PTPRD: variants seen among roughly 807,000 people sequenced by gnomAD.
PTPRD encodes protein tyrosine phosphatase receptor type D, also known as receptor-type tyrosine-protein phosphatase delta.
Under a neutral mutation model 214.5 loss-of-function variants are expected in PTPRD, and 34 were observed. The ratio of observed to expected loss-of-function variants is 0.16; its 90% CI spans 0.12 to 0.21. The LOEUF (loss-of-function observed/expected upper bound fraction) is 0.21. Among genes scored for constraint, PTPRD ranks in the 10% least tolerant of loss-of-function variants. The pLI is 1.00. For missense variants in PTPRD, 2,545 were observed against 2,398.7 expected (o/e 1.06, Z -1.27); for synonymous variants, 1,128 against 845.7 (o/e 1.33, Z -5.79).
intron 5 of PTPRD, among the ~76,000 whole-genome samples, chr9:9,899,722 T>A (rs892757753): frequency 6.0e-5 from 9 of 150,928 alleles, no homozygotes; most frequent in Non-Finnish European, 8.9e-5. Context: ...GAAAAAAAAA[T>A]CAGTATGTGG....
In PTPRD at chr9:10,268,603, T is replaced by C. The variant is rs543103206; in HGVS notation, c.-545+72360A>G. The stretch of plus-strand genomic sequence containing the variant: ...ATCTTTCTATTTCATCATAAGTTTG[T>C]ATTTCTCCAGTTCAGGGCTTTTGCT... On this transcript the variant is annotated intron_variant, in intron 3 of 45. Coordinates refer to ENST00000381196, the MANE Select transcript of PTPRD (RefSeq NM_002839.4). Among the ~76,000 whole-genome samples the C allele has an allele frequency of 5.9e-5, 9 of 152,290 alleles. No individual in the cohort carries two copies. In the South Asian group the frequency reaches 1.9e-3, roughly 32 times the overall value.
chr9:9,300,313 A>G (rs981405081), intron 9 of PTPRD, among the ~76,000 whole-genome samples: 4 of 151,670 alleles, frequency 2.6e-5, no homozygotes, highest in Non-Finnish European at 5.9e-5. Flanking sequence ...ACTATTTTGT[A>G]TCTTAAGCTC....
chr9:10,521,506 T>G (rs2052270954), intron 2 of PTPRD, among the ~76,000 whole-genome samples: 1 of 152,154 alleles, frequency 6.6e-6, no homozygotes, highest in Admixed American at 6.6e-5. Context: ...GTGGCAGGAT[T>G]TGAGAGGATT....
At chr9:10,085,504 G>C (rs1176828881) in intron 3 of PTPRD, among the ~76,000 whole-genome samples, 2 of 151,790 alleles carry the variant, frequency 1.3e-5, no homozygotes, top group African/African-American at 4.8e-5. Flanking sequence ...TTTTTGTGTT[G>C]AGAAATAAGA....
chr9:9,202,003 C>T lies in PTPRD; in HGVS notation c.-202-18640G>A, dbSNP rs142631740. Among the ~76,000 whole-genome samples, 15 of 152,250 alleles carry T rather than the reference C, an allele frequency of 9.9e-5. No homozygotes were observed. The South Asian group carries it at 1.0e-3, about 11-fold the overall frequency. ...TTGAATACACTAATAAAGATGGACA[C>T]GAACTTTTGGTGGAGTTCAGTGCAA... On this transcript the variant is annotated intron_variant, in intron 9 of 45. Coordinates refer to ENST00000381196, the MANE Select transcript of PTPRD (RefSeq NM_002839.4).
At chr9:10,501,695 C>T (rs1251984567) in intron 2 of PTPRD, among the ~76,000 whole-genome samples, 1 of 151,832 alleles carries the variant, frequency 6.6e-6, no homozygotes, top group Non-Finnish European at 1.5e-5. Flanking sequence ...TGATGTTTTC[C>T]TAGTACTGAT....
intron 11 of PTPRD, among the ~76,000 whole-genome samples, chr9:8,775,501 T>C (rs1033141775): frequency 1.3e-5 from 2 of 152,194 alleles, no homozygotes; most frequent in Non-Finnish European, 2.9e-5. Flanking sequence ...GTATGGAATA[T>C]ACTAATGCTT....
chr9:10,537,354 CTGTTT>C (rs1555494780), intron 2 of PTPRD, among the ~76,000 whole-genome samples: 1 of 152,086 alleles, frequency 6.6e-6, no homozygotes, highest in Non-Finnish European at 1.5e-5. Flanking sequence ...ACAACACATT[CTGTTT>C]TGTTTCCTAT....
At chr9:10,315,536 A>G (rs924789460) in intron 3 of PTPRD, among the ~76,000 whole-genome samples, 31 of 151,960 alleles carry the variant, frequency 2.0e-4, no homozygotes, top group African/African-American at 7.5e-4. Flanking sequence ...AGTAACTCAA[A>G]ACCAAATTTC....
intron 8 of PTPRD, among the ~76,000 whole-genome samples, chr9:9,513,153 T>A (rs2096750034): frequency 6.6e-6 from 1 of 151,840 alleles, no homozygotes; most frequent in Non-Finnish European, 1.5e-5. Context: ...TTAAACAGTA[T>A]CAGTAAATGG....
In PTPRD at chr9:9,838,848, A is replaced by G. The variant is rs377223006; in HGVS notation, c.-367-71997T>C. Among the ~76,000 whole-genome samples the G allele has an allele frequency of 6.0e-4, 91 of 152,246 alleles. 2 individuals carry two copies. In the South Asian group the frequency reaches 0.018, roughly 29 times the overall value. On this transcript the variant is annotated intron_variant, in intron 5 of 45. Transcript: ENST00000381196. Reference sequence around the variant, plus strand: ...AGACATGAAGTCCTTGCCCATGCCTATGTCCTGAATGGTAATGCCTAGGTT... The same window carrying G: ...AGACATGAAGTCCTTGCCCATGCCTGTGTCCTGAATGGTAATGCCTAGGTT...
chr9:9,130,521 C>T (rs1031506627), intron 10 of PTPRD, among the ~76,000 whole-genome samples: 3 of 152,042 alleles, frequency 2.0e-5, no homozygotes, highest in African/African-American at 4.8e-5. Context: ...CAGTAAATTC[C>T]AGAAAACAAT....
rs549580075 is a variant in PTPRD at position 9,527,266 on chromosome 9, T to C, written c.-237+47466A>G. ...GGTAGTATCACCTATAAGTGTCTGT[T>C]GTGAAACCTATGTCAAATTACTGTG... On this transcript the variant is annotated intron_variant, in intron 8 of 45. Transcript: ENST00000381196. Among the ~76,000 whole-genome samples, 13 of 152,316 alleles carry C rather than the reference T, an allele frequency of 8.5e-5. No homozygotes were observed. The South Asian group carries it at 2.7e-3, about 32-fold the overall frequency.
At chr9:8,425,399 T>C (rs933280444) in intron 35 of PTPRD, among the ~76,000 whole-genome samples, 2 of 152,028 alleles carry the variant, frequency 1.3e-5, no homozygotes, top group Non-Finnish European at 2.9e-5. Flanking sequence ...TGTTATGACC[T>C]TTCAAGGGTG....
chr9:9,026,615 G>A (rs1206240058), intron 10 of PTPRD, among the ~76,000 whole-genome samples: 2 of 151,884 alleles, frequency 1.3e-5, no homozygotes, highest in Admixed American at 6.6e-5. Context: ...CATCTTTTAA[G>A]CCCGAAGTTC....
At chr9:10,240,957 A>C (rs1045485144) in intron 3 of PTPRD, among the ~76,000 whole-genome samples, 7 of 151,930 alleles carry the variant, frequency 4.6e-5, no homozygotes, top group South Asian at 4.1e-4. Flanking sequence ...CATTTGTAAA[A>C]CACATACAAC....
chr9:9,954,000 T>C (rs537877509), intron 4 of PTPRD, among the ~76,000 whole-genome samples: 2 of 152,136 alleles, frequency 1.3e-5, no homozygotes, highest in Non-Finnish European at 2.9e-5. Context: ...TATAGGGCAC[T>C]TGATTGAAAG....
chr9:9,749,173 C>T (rs1443022408), intron 6 of PTPRD, among the ~76,000 whole-genome samples: 1 of 152,118 alleles, frequency 6.6e-6, no homozygotes, highest in Non-Finnish European at 1.5e-5. Context: ...CTGCCTCTCT[C>T]CATGCCTCTC....
At chr9:10,253,376 G>C (rs936368704) in intron 3 of PTPRD, among the ~76,000 whole-genome samples, 1 of 152,288 alleles carries the variant, frequency 6.6e-6, no homozygotes, top group Admixed American at 6.5e-5. Flanking sequence ...GCCAGCTGAA[G>C]AAAGTTCTGA....
Sources: allele counts gnomAD v4.1 joint callset (sites outside exome capture counted in the v4.1 genomes callset), GRCh38; gene constraint gnomAD v4.1.1; transcripts MANE v1.5; gene names NCBI Gene and HGNC (gene_info 2026-07-23, HGNC 2026-07-21).